The following ANKRD28 variants were observed in gnomAD, a reference collection of about 807,000 sequenced individuals.
The protein encoded by ANKRD28 is ankyrin repeat domain 28, also known as serine/threonine-protein phosphatase 6 regulatory ankyrin repeat subunit A.
A neutral mutation model predicts 126.5 loss-of-function variants in ANKRD28; 44 were observed. The observed-to-expected ratio is 0.35, with a 90% CI of 0.27 to 0.45. The LOEUF (loss-of-function observed/expected upper bound fraction) is 0.45. Ranked by LOEUF, ANKRD28 falls within the 20% of genes least tolerant of loss-of-function variation. The pLI, the probability that ANKRD28 is intolerant of heterozygous loss-of-function variation, is 1.00. For missense variants in ANKRD28, 1,110 were observed against 1,316.6 expected (o/e 0.84, Z 2.43); for synonymous variants, 442 against 468.5 (o/e 0.94, Z 0.73).
chr3:15,820,140 C>G (rs544601387), intron 1 of ANKRD28, among the ~76,000 whole-genome samples: 1 of 152,292 alleles, frequency 6.6e-6, no homozygotes, highest in South Asian at 2.1e-4. Flanking sequence ...TTTGTACAGA[C>G]TGGTATTATC....
At chr3:15,796,095 C>CA (rs1575716249) in intron 1 of ANKRD28, among the ~76,000 whole-genome samples, 1 of 152,124 alleles carries the variant, frequency 6.6e-6, no homozygotes, top group African/African-American at 2.4e-5. Context: ...ATTCTTGTTA[C>CA]ATCAGTTTCT....
chr3:15,673,936 G>A (rs2066637103), intron 27 of ANKRD28, among the ~76,000 whole-genome samples: 1 of 152,058 alleles, frequency 6.6e-6, no homozygotes, highest in Admixed American at 6.5e-5. Flanking sequence ...AGCACTCTGG[G>A]AGGCTGAGGT....
chr3:15,829,734 T>A (rs926244920), intron 1 of ANKRD28, among the ~76,000 whole-genome samples: 2 of 152,050 alleles, frequency 1.3e-5, no homozygotes, highest in Admixed American at 1.3e-4. Flanking sequence ...AAGCTCAAGG[T>A]GGCCGATACA....
In ANKRD28 at chr3:15,709,663, C is replaced by T; in HGVS notation, c.1406+5G>A. Reference sequence around the variant, plus strand: ...GCTCCATAAAGAAACTGTATCATACCCTACCTCCCAAATTTGTCCTTTTTA... The same window carrying T: ...GCTCCATAAAGAAACTGTATCATACTCTACCTCCCAAATTTGTCCTTTTTA... On this transcript the variant is annotated splice_donor_5th_base_variant and intron_variant, in intron 13 of 27. Transcript: ENST00000683139. The T allele has an allele frequency of 6.4e-7, 1 of 1,571,228 alleles. No homozygotes were observed. Among genetic ancestry groups the T allele is most frequent in the Non-Finnish European group, 8.6e-7 (1 of 1,156,144 alleles).
At chr3:15,757,295 T>C (rs1172899251) in intron 3 of ANKRD28, among the ~76,000 whole-genome samples, 1 of 152,204 alleles carries the variant, frequency 6.6e-6, no homozygotes, top group Admixed American at 6.5e-5. Flanking sequence ...GTTCCTATTG[T>C]GTTGGGGTTG....
At chr3:15,731,254 G>C (rs975907928) in intron 6 of ANKRD28, among the ~76,000 whole-genome samples, 1 of 152,110 alleles carries the variant, frequency 6.6e-6, no homozygotes, top group Non-Finnish European at 1.5e-5. Context: ...AACTATTCTG[G>C]GAGCTCAACT....
At chr3:15,698,264 C>G (rs866522336) in intron 14 of ANKRD28, among the ~76,000 whole-genome samples, 1 of 152,130 alleles carries the variant, frequency 6.6e-6, no homozygotes, top group African/African-American at 2.4e-5. Context: ...CTAGTTATGA[C>G]AAACCCACAG....
At chr3:15,674,155 G>A (rs187204228) in intron 27 of ANKRD28, among the ~76,000 whole-genome samples, 2 of 109,152 alleles carry the variant, frequency 1.8e-5, no homozygotes, top group Non-Finnish European at 3.4e-5. Flanking sequence ...CTGGGCAACA[G>A]AGTGAGACCC....
In ANKRD28 at chr3:15,674,196, A is replaced by AAAAAAAAAAAAAG. The variant is rs1470515364; in HGVS notation, c.2965+1701_2965+1702insCTTTTTTTTTTTT. Among the ~76,000 whole-genome samples, 60 of 130,128 alleles carry AAAAAAAAAAAAAG rather than the reference A, an allele frequency of 4.6e-4. 2 individuals are homozygous for AAAAAAAAAAAAAG. Among genetic ancestry groups the AAAAAAAAAAAAAG allele is most frequent in the East Asian group, 1.7e-3 (5 of 2,940 alleles). The allele number at this position is 130,128 out of a possible 152,430, so 85.4% of individuals were successfully genotyped here. On this transcript the variant is annotated intron_variant, in intron 27 of 27. Transcript: ENST00000683139. Reference sequence around the variant, plus strand: ...CTTCAAAAAAAAAAAAAAAAAAAAAAAAGAAGAAGAACCGAAATTCAAGAG... The same window carrying AAAAAAAAAAAAAG: ...CTTCAAAAAAAAAAAAAAAAAAAAAAAAAAAAAAAAAAGAAGAAGAAGAACCGAAATTCAAGAG...
At chr3:15,757,238 A>G (rs2058210205) in intron 3 of ANKRD28, among the ~76,000 whole-genome samples, 1 of 152,206 alleles carries the variant, frequency 6.6e-6, no homozygotes, top group Non-Finnish European at 1.5e-5. Context: ...CTTTTGGTCA[A>G]CATTAGGCTA....
At position 15,713,557 on chromosome 3, in the gene ANKRD28, G is replaced by A. The variant is rs1158356181; in HGVS notation, c.1160C>T (p.Thr387Ile). The change falls in exon 10 of 28, where the codon ACT becomes ATT. Residue 387 changes from threonine (T) to isoleucine (I), a missense_variant. Thr to Ile is a moderately conservative substitution (Grantham distance 89). Coordinates refer to ENST00000683139, the MANE Select transcript of ANKRD28 (RefSeq NM_001349278.2). ...ARYGHELLINTLITSGADTAK... is the reference protein window; with the variant it reads ...ARYGHELLINILITSGADTAK... ...AGTGTCAGCACCACTTGTAATAAGA[G>A]TGTTGATCAGCAGCTCATGGCCATA... is the stretch of plus-strand genomic sequence containing the variant. The A allele has an allele frequency of 6.2e-7, 1 of 1,611,604 alleles. No individual in the cohort carries two copies. Among genetic ancestry groups the A allele is most frequent in the African/African-American group, 1.3e-5 (1 of 74,742 alleles).
rs1374780727 is a variant in ANKRD28, at chr3:15,833,923, A to G, written c.27+25454T>C. On this transcript the variant is annotated intron_variant, in intron 1 of 27. Transcript: ENST00000399451. This position sits in a 1 kb window ranked among gnomAD's most constrained non-coding sequence, Gnocchi z 4.4. ...AAATGTCTGTTTGTGTTATTTGCCC[A>G]TTTTTTAATGTTTGTTTTTTTCTTA... Among the ~76,000 whole-genome samples the G allele has an allele frequency of 6.6e-6, 1 of 151,808 alleles. No homozygotes were observed. Among genetic ancestry groups the G allele is most frequent in the Non-Finnish European group, 1.5e-5 (1 of 67,926 alleles).
intron 17 of ANKRD28, among the ~76,000 whole-genome samples, chr3:15,691,403 G>A (rs915704914): frequency 5.9e-5 from 9 of 152,236 alleles, no homozygotes; most frequent in Non-Finnish European, 1.0e-4. Flanking sequence ...GATTACAGGC[G>A]TGAGCCACTG....
intron 4 of ANKRD28, among the ~76,000 whole-genome samples, chr3:15,742,539 G>A (rs1309520447): frequency 7.4e-4 from 102 of 137,252 alleles, no homozygotes; most frequent in Non-Finnish European, 1.3e-3. Context: ...CCCTCCGCCC[G>A]GCAGCCACCC....
chr3:15,775,658 T>C (rs188631468), intron 2 of ANKRD28, among the ~76,000 whole-genome samples: 10 of 152,278 alleles, frequency 6.6e-5, no homozygotes, highest in Admixed American at 6.5e-4. Context: ...ACTGATGTAT[T>C]AATAACACAA....
rs1207824881 is a variant in ANKRD28 at position 15,695,180 on chromosome 3, ATACT to A, written c.1686+4_1686+7del. The A allele has an allele frequency of 3.8e-6, 6 of 1,593,636 alleles. No individual in the cohort carries two copies. Among genetic ancestry groups the A allele is most frequent in the Admixed American group, 1.7e-5 (1 of 58,406 alleles). ...CTAATTGGTGGGAGGGAATTGACTA[ATACT>A]TACAACATCTAGAGGAGTTTCACTT... is the stretch of plus-strand genomic sequence containing the variant. On this transcript the variant is annotated splice_donor_5th_base_variant and intron_variant, in intron 16 of 27. Transcript: ENST00000683139.
intron 3 of ANKRD28, among the ~76,000 whole-genome samples, chr3:15,755,103 T>C (rs2058083896): frequency 2.0e-5 from 3 of 151,926 alleles, no homozygotes; most frequent in African/African-American, 7.3e-5. Flanking sequence ...CACTCCAGCC[T>C]GGGCAACAAG....
At chr3:15,821,512 TAAC>T (rs1256168935) in intron 1 of ANKRD28, among the ~76,000 whole-genome samples, 1 of 152,128 alleles carries the variant, frequency 6.6e-6, no homozygotes, top group Non-Finnish European at 1.5e-5. Context: ...AAAGTGGGAA[TAAC>T]ATCACAATAT....
intron 27 of ANKRD28, among the ~76,000 whole-genome samples, chr3:15,670,893 T>C (rs550488954): frequency 2.3e-4 from 35 of 152,334 alleles, no homozygotes; most frequent in African/African-American, 8.2e-4. Flanking sequence ...GTGAATATTC[T>C]TTCAGGATGG....
Sources: allele counts gnomAD v4.1 joint callset (sites outside exome capture counted in the v4.1 genomes callset), GRCh38; gene constraint gnomAD v4.1.1; non-coding constraint Gnocchi (gnomAD v3.1); transcripts MANE v1.5; gene names NCBI Gene and HGNC (gene_info 2026-07-23, HGNC 2026-07-21).